The following SLC24A2 variants were observed in gnomAD, a reference collection of about 807,000 sequenced individuals.
The protein encoded by SLC24A2 is sodium/potassium/calcium exchanger 2.
Under a neutral mutation model 62.0 loss-of-function variants are expected in SLC24A2, and 36 were observed. The ratio of observed to expected loss-of-function variants is 0.58; its 90% CI spans 0.44 to 0.77. The LOEUF (loss-of-function observed/expected upper bound fraction) is 0.77, where lower values mean the gene tolerates loss of function less well. SLC24A2 is among the 30% of genes least tolerant of loss of function. The pLI is 0.00. For synonymous variants in SLC24A2, 358 were observed against 294.0 expected (o/e 1.22, Z -2.23); for missense variants, 846 against 817.9 (o/e 1.03, Z -0.42).
intron 7 of SLC24A2, among the ~76,000 whole-genome samples, chr9:19,565,609 G>T (rs1245408781): frequency 1.3e-5 from 2 of 151,984 alleles, no homozygotes; most frequent in Non-Finnish European, 2.9e-5. Flanking sequence ...CACAGAATTG[G>T]AAAAAACTAA....
chr9:19,560,806 T>C (rs1032905599), intron 7 of SLC24A2, among the ~76,000 whole-genome samples: 11 of 152,172 alleles, frequency 7.2e-5, no homozygotes, highest in African/African-American at 2.7e-4. Context: ...TTGTCCCTTT[T>C]TTCCACTCAT....
At chr9:19,856,160 G>A in the SLC24A2 span, among the ~76,000 whole-genome samples, 1 of 152,236 alleles carries the variant, frequency 6.6e-6, no homozygotes, top group African/African-American at 2.4e-5. Context: ...CTCTAAACTG[G>A]TTATTCTGGT....
chr9:19,532,538 G>C (rs1293860080), intron 8 of SLC24A2, among the ~76,000 whole-genome samples: 2 of 152,146 alleles, frequency 1.3e-5, no homozygotes, highest in African/African-American at 2.4e-5. Context: ...TTCAATCTGT[G>C]ATTGTTTGAA....
chr9:20,024,467 C>A, the SLC24A2 span, among the ~76,000 whole-genome samples: 1 of 152,218 alleles, frequency 6.6e-6, no homozygotes, highest in East Asian at 1.9e-4. Flanking sequence ...AAGTAGGTTA[C>A]TACCGAATTT....
chr9:19,770,631 T>G (rs967732843), intron 2 of SLC24A2, among the ~76,000 whole-genome samples: 12 of 152,154 alleles, frequency 7.9e-5, no homozygotes, highest in African/African-American at 2.9e-4. Context: ...TGGAGAAAAT[T>G]GGAAACAGAT....
At chr9:20,095,696 T>C in the SLC24A2 span, among the ~76,000 whole-genome samples, 173 of 152,206 alleles carry the variant, frequency 1.1e-3, no homozygotes, top group African/African-American at 4.0e-3. Flanking sequence ...TGTATCTATC[T>C]ATGGTATCTG....
upstream of SLC24A2, among the ~76,000 whole-genome samples, chr9:19,792,454 G>A (rs1048454951): frequency 3.3e-5 from 5 of 150,364 alleles, no homozygotes; most frequent in East Asian, 7.8e-4. Context: ...CAGCACTTTA[G>A]GAGGCTGAGG....
chr9:19,636,323 C>CTTTTCTTTTCTT (rs1554690385), intron 2 of SLC24A2, among the ~76,000 whole-genome samples: 1 of 19,166 alleles, frequency 5.2e-5, no homozygotes, highest in East Asian at 1.7e-3. Flanking sequence ...TCTTTTCTTT[C>CTTTTCTTTTCTT]TTTCTTTCTT....
At chr9:20,217,540 G>A in the SLC24A2 span, among the ~76,000 whole-genome samples, 2 of 152,134 alleles carry the variant, frequency 1.3e-5, no homozygotes, top group African/African-American at 2.4e-5. Context: ...GGTGCTGGGA[G>A]CAGGTTAGTC....
the SLC24A2 span, among the ~76,000 whole-genome samples, chr9:20,161,231 C>T: frequency 2.9e-3 from 440 of 151,378 alleles, 2 homozygotes; most frequent in South Asian, 0.019. Flanking sequence ...AGAGAAGATA[C>T]CAAAATTATC....
the SLC24A2 span, among the ~76,000 whole-genome samples, chr9:19,936,949 G>T: frequency 6.6e-6 from 1 of 152,182 alleles, no homozygotes; most frequent in Non-Finnish European, 1.5e-5. Flanking sequence ...CTGCTTTTCA[G>T]ACCTTAAATT....
chr9:19,530,081 T>A (rs1403870864), intron 8 of SLC24A2, among the ~76,000 whole-genome samples: 4 of 139,872 alleles, frequency 2.9e-5, no homozygotes, highest in African/African-American at 1.1e-4. Flanking sequence ...AAAGCAGCTT[T>A]TTTTTTTTTT....
chr9:20,038,849 A>G, the SLC24A2 span, among the ~76,000 whole-genome samples: 8 of 152,196 alleles, frequency 5.3e-5, no homozygotes, highest in African/African-American at 1.9e-4. Flanking sequence ...GCTGCTAAGG[A>G]GGCAGGAAAG....
chr9:20,208,632 T>G, the SLC24A2 span, among the ~76,000 whole-genome samples: 1 of 152,132 alleles, frequency 6.6e-6, no homozygotes, highest in Non-Finnish European at 1.5e-5. Flanking sequence ...AATGCACCCC[T>G]CAGAGAAATT....
chr9:20,110,479 C>T, the SLC24A2 span, among the ~76,000 whole-genome samples: 3 of 151,636 alleles, frequency 2.0e-5, no homozygotes, highest in Non-Finnish European at 2.9e-5. Context: ...CACTCTTACA[C>T]TAACTTAAGT....
the SLC24A2 span, among the ~76,000 whole-genome samples, chr9:19,809,002 C>T: frequency 6.6e-6 from 1 of 152,192 alleles, no homozygotes; most frequent in Non-Finnish European, 1.5e-5. Flanking sequence ...GCCCCAATCT[C>T]CAAAGATTGA....
chr9:19,773,852 G>A (rs1410917649), intron 2 of SLC24A2, among the ~76,000 whole-genome samples: 1 of 152,236 alleles, frequency 6.6e-6, no homozygotes, highest in African/African-American at 2.4e-5. Flanking sequence ...GTGGCAAGAA[G>A]AGGGCTCAAG....
chr9:19,715,742 G>A (rs1490174124), intron 2 of SLC24A2, among the ~76,000 whole-genome samples: 1 of 152,164 alleles, frequency 6.6e-6, no homozygotes, highest in Non-Finnish European at 1.5e-5. Context: ...GAAGCAATTG[G>A]CAATTTTTAT....
chr9:19,769,195 C>CA (rs1360874575), intron 2 of SLC24A2, among the ~76,000 whole-genome samples: 13 of 152,298 alleles, frequency 8.5e-5, no homozygotes, highest in African/African-American at 2.6e-4. Context: ...TTACACAGGA[C>CA]AAAAAATCTC....
Sources: gnomAD v4.1 joint callset for allele counts (sites outside exome capture counted in the v4.1 genomes callset) on GRCh38, gnomAD v4.1.1 for gene constraint, MANE v1.5 for transcripts, NCBI Gene and HGNC (gene_info 2026-07-23, HGNC 2026-07-21) for gene names.